Variants in CCNY observed in about 807,000 individuals in gnomAD.
CCNY encodes the protein cyclin-Y.
A neutral mutation model predicts 42.8 loss-of-function variants in CCNY; 19 were observed. The observed-to-expected ratio is 0.44, with a 90% confidence interval of 0.31 to 0.65. CCNY has a LOEUF of 0.65. Ranked by LOEUF, CCNY falls within the 30% of genes least tolerant of loss-of-function variation. The pLI is 0.07. For missense variants in CCNY, 370 were observed against 437.3 expected (o/e 0.85, Z 1.37); for synonymous variants, 165 against 162.7 (o/e 1.01, Z -0.11).
At chr10:35,552,868 T>C (rs1164077861) in intron 7 of CCNY, 151 bp from the exon 8 acceptor site, 3 of 744,510 alleles carry the variant, frequency 4.0e-6, no homozygotes, top group South Asian at 1.9e-5. Flanking sequence ...ATCAGACTCA[T>C]TGAGTCATTT....
intron 3 of CCNY, among the ~76,000 whole-genome samples, chr10:35,320,253 A>G (rs1412313213): frequency 2.6e-5 from 4 of 152,208 alleles, no homozygotes; most frequent in South Asian, 4.1e-4. Context: ...TCAGCAATAT[A>G]TAACAAGGAT....
At chr10:35,511,780 G>T (rs563530219) in intron 3 of CCNY, among the ~76,000 whole-genome samples, 3 of 152,190 alleles carry the variant, frequency 2.0e-5, no homozygotes, top group African/African-American at 7.2e-5. Context: ...AAAAGTGGCC[G>T]TTGTTCCTTT....
chr10:35,288,073 C>T (rs1361783762), intron 3 of CCNY, among the ~76,000 whole-genome samples: 2 of 152,242 alleles, frequency 1.3e-5, no homozygotes, highest in East Asian at 3.9e-4. Context: ...TTACATCCCA[C>T]CAGTAATGTA....
chr10:35,537,608 A>G (rs1029739037), intron 7 of CCNY, among the ~76,000 whole-genome samples: 6 of 152,206 alleles, frequency 3.9e-5, no homozygotes, highest in Admixed American at 3.9e-4. Flanking sequence ...AGATCATTTT[A>G]GAGCTTTAAA....
At chr10:35,294,110 A>G (rs1835445317) in intron 3 of CCNY, among the ~76,000 whole-genome samples, 1 of 152,182 alleles carries the variant, frequency 6.6e-6, no homozygotes. Context: ...TTGTATGTTG[A>G]TCTTTTATCC....
rs377537878 is a variant in CCNY at position 35,415,075 on chromosome 10, C to CAGTA, written c.155-68328_155-68325dup. Among the ~76,000 whole-genome samples the CAGTA allele has an allele frequency of 6.8e-3, 1,033 of 152,258 alleles. 11 individuals carry two copies. The highest frequency in any genetic ancestry group is 0.024 in the African/African-American group (987 of 41,536). On this transcript the variant is annotated intron_variant, in intron 1 of 9. Transcript: ENST00000374704. ...GCATGATGTAGTTTTAGGGGAAGAT[C>CAGTA]AGTAGTTTCCTGAGGATGGATTTTA...
intron 8 of CCNY, among the ~76,000 whole-genome samples, chr10:35,564,127 G>A (rs903842865): frequency 3.9e-5 from 6 of 151,996 alleles, no homozygotes; most frequent in Admixed American, 6.6e-5. Context: ...TGATCCACCC[G>A]CCTCAGCCTC....
At chr10:35,391,492 C>T (rs1399708784) in intron 1 of CCNY, among the ~76,000 whole-genome samples, 5 of 152,064 alleles carry the variant, frequency 3.3e-5, no homozygotes, top group African/African-American at 4.8e-5. Flanking sequence ...TAGGACTGGC[C>T]GGAAGGTTGT....
At chr10:35,258,627 T>C (rs1385595249) in intron 3 of CCNY, among the ~76,000 whole-genome samples, 2 of 152,188 alleles carry the variant, frequency 1.3e-5, no homozygotes, top group African/African-American at 4.8e-5. Context: ...CCCTGGCTCC[T>C]GCAAGTTGGT....
chr10:35,523,327 C>T (rs530168255), intron 4 of CCNY, among the ~76,000 whole-genome samples: 115 of 152,232 alleles, frequency 7.6e-4, no homozygotes, highest in African/African-American at 2.6e-3. Flanking sequence ...TAAAAGGGGG[C>T]GCAGTGGGGC....
intron 3 of CCNY, among the ~76,000 whole-genome samples, chr10:35,302,253 G>A (rs977666032): frequency 4.6e-5 from 7 of 151,032 alleles, no homozygotes; most frequent in African/African-American, 1.7e-4. Flanking sequence ...AAGCCACCAC[G>A]CCCATCCTCA....
chr10:35,404,747 A>G (rs1837720828), intron 1 of CCNY, among the ~76,000 whole-genome samples: 1 of 152,188 alleles, frequency 6.6e-6, no homozygotes, highest in Admixed American at 6.5e-5. Flanking sequence ...GGTTTGGGAG[A>G]TTAGTTGGAC....
rs186921603 is a variant in CCNY, at chr10:35,432,811, T to C, written c.155-50593T>C. ...CCCTAGGAAAAATCCATTATTAGAA[T>C]GTAAGAGACAAAACAAATCTTTTAA... On this transcript the variant is annotated intron_variant, in intron 1 of 9. Coordinates refer to ENST00000374704, the MANE Select transcript of CCNY (RefSeq NM_145012.6). 3.9e-4 allele frequency among the ~76,000 whole-genome samples: 60 copies of C among 152,356 alleles called. No individual in the cohort carries two copies. The East Asian group carries it at 0.012, about 29-fold the overall frequency.
intron 2 of CCNY, among the ~76,000 whole-genome samples, chr10:35,498,652 T>C (rs1418488862): frequency 6.6e-6 from 1 of 152,158 alleles, no homozygotes; most frequent in Non-Finnish European, 1.5e-5. Context: ...AACGTGGATA[T>C]CAGGCATTCT....
chr10:35,332,440 A>G (rs1835956415), upstream of CCNY: 1 of 152,236 alleles, frequency 6.6e-6, no homozygotes, highest in Non-Finnish European at 1.5e-5. Context: ...CAATTAAGGT[A>G]GACTATTCTT....
chr10:35,365,938 G>A (rs983397406), intron 1 of CCNY, among the ~76,000 whole-genome samples: 4 of 152,124 alleles, frequency 2.6e-5, no homozygotes, highest in Non-Finnish European at 5.9e-5. Context: ...GTGTGTCTAG[G>A]GAATGGACAG....
At chr10:35,382,844 A>G (rs2180405) in intron 1 of CCNY, among the ~76,000 whole-genome samples, 4 of 152,224 alleles carry the variant, frequency 2.6e-5, no homozygotes, top group African/African-American at 9.6e-5. Flanking sequence ...AATTGTTGTT[A>G]TTATTATGAT....
At position 35,375,068 on chromosome 10, in the gene CCNY, A is replaced by AT. The variant is rs370443433; in HGVS notation, c.154+37872dup. 3.1e-3 allele frequency among the ~76,000 whole-genome samples: 459 copies of AT among 148,450 alleles called. 2 individuals are homozygous for AT. Among genetic ancestry groups the AT allele is most frequent in the African/African-American group, 8.8e-3 (360 of 40,692 alleles). On this transcript the variant is annotated intron_variant, in intron 1 of 9. Coordinates refer to ENST00000374704, the MANE Select transcript of CCNY (RefSeq NM_145012.6). ...GGGAGGGGGTGATTCTTTAAAGTACATTTTTTTTTTTAAAGAAGGACTTAT... is the reference window on the plus strand; with the variant it reads ...GGGAGGGGGTGATTCTTTAAAGTACATTTTTTTTTTTTAAAGAAGGACTTAT...
chr10:35,405,541 T>A (rs1310711132), intron 1 of CCNY, among the ~76,000 whole-genome samples: 1 of 152,090 alleles, frequency 6.6e-6, no homozygotes, highest in Non-Finnish European at 1.5e-5. Context: ...TAAAAGAATA[T>A]TGTCCAAGTT....
Sources: allele counts gnomAD v4.1 joint callset (sites outside exome capture counted in the v4.1 genomes callset), GRCh38; gene constraint gnomAD v4.1.1; transcripts MANE v1.5; gene names NCBI Gene and HGNC (gene_info 2026-07-23, HGNC 2026-07-21).